Variants in SVIL observed in about 807,000 individuals in gnomAD.
The protein encoded by SVIL is supervillin.
A neutral mutation model predicts 240.4 loss-of-function variants in SVIL; 101 were observed. That is an observed-to-expected ratio of 0.42 (90% CI 0.36 to 0.50). The LOEUF is 0.50. Among genes scored for constraint, SVIL ranks in the 20% least tolerant of loss-of-function variants. The probability of loss-of-function intolerance (pLI) is 0.01; values close to 1 mark genes in which losing one functional copy is unlikely to be tolerated. For missense variants in SVIL, 2,512 were observed against 2,818.7 expected (o/e 0.89, Z 2.46); for synonymous variants, 999 against 1,100.0 (o/e 0.91, Z 1.82).
At position 29,689,510 on chromosome 10, in the gene SVIL, T is replaced by C. The variant is rs1374253367; in HGVS notation, c.-399-2859A>G. On this transcript the variant is annotated intron_variant, in intron 1 of 35. Coordinates refer to the SVIL transcript ENST00000375400. ...TATATTGGCCAGGCTGGTCTCGAACTCCTGACCTCGTGATCTGCCCATCTC... is the reference window on the plus strand; with the variant it reads ...TATATTGGCCAGGCTGGTCTCGAACCCCTGACCTCGTGATCTGCCCATCTC... Among the ~76,000 whole-genome samples the C allele has an allele frequency of 5.3e-5, 8 of 152,190 alleles. No homozygotes were observed. In the East Asian group the frequency reaches 1.5e-3, roughly 29 times the overall value.
In SVIL at chr10:29,523,954, G is replaced by A. The variant is rs1252691595; in HGVS notation, c.2660C>T (p.Ala887Val). ...TSVSTVASTVAPMYAGDLRTK... is the reference protein window; with the variant it reads ...TSVSTVASTVVPMYAGDLRTK... The stretch of plus-strand genomic sequence containing the variant: ...GCGAAGATCTCCGGCATACATTGGA[G>A]CAACCGTGGATGCTACGGTAGACAC... Residue 887 changes from alanine to valine, a missense_variant, in exon 15 of 38, where the codon GCT becomes GTT. Physicochemically the swap from Ala to Val is moderately conservative, Grantham distance 64. Around this residue, in one of 3 missense-constraint regions of SVIL, gnomAD observed 1,443 missense variants for 1,486.6 expected, o/e 0.97. Transcript: ENST00000355867. 3 of 1,614,186 alleles carry A rather than the reference G, an allele frequency of 1.9e-6. No homozygotes were observed. Among genetic ancestry groups the A allele is most frequent in the Admixed American group, 3.3e-5 (2 of 60,020 alleles).
In SVIL at chr10:29,480,519, C is replaced by A. The variant is rs1266701502; in HGVS notation, c.5377+18G>T. ...GCCAGCCTCTTTCAGCTGGAAAAAA[C>A]CACAAGCGCTCACTAACCTGCCGTG... On this transcript the variant is annotated intron_variant, in intron 29 of 37. Coordinates refer to ENST00000355867, the MANE Select transcript of SVIL (RefSeq NM_021738.3). The A allele has an allele frequency of 1.9e-6, 3 of 1,608,418 alleles. No homozygotes were observed. Among genetic ancestry groups the A allele is most frequent in the East Asian group, 2.2e-5 (1 of 44,800 alleles).
Position 29,493,177 on chromosome 10 carries a change from T to C in SVIL, c.4019+37A>G, listed in dbSNP as rs1407159417. 1.0e-5 allele frequency: 16 copies of C among 1,599,130 alleles called. No homozygotes were observed. The South Asian group carries it at 1.8e-4, about 18-fold the overall frequency. On this transcript the variant is annotated intron_variant, in intron 21 of 37. Transcript: ENST00000355867. ...GCCCTCTGCAGGCGAAGGAAGCCCT[T>C]CTCAGTGGAGGAAAGACGGAGACCC...
intron 1 of SVIL, among the ~76,000 whole-genome samples, chr10:29,603,064 AC>A (rs906031125): frequency 6.8e-6 from 1 of 147,622 alleles, no homozygotes; most frequent in Non-Finnish European, 1.5e-5. Flanking sequence ...AGGACTTCTT[AC>A]CATCCTGACG....
intron 3 of SVIL, chr10:29,657,728 A>G (rs1357494123): frequency 6.6e-6 from 1 of 152,238 alleles, no homozygotes; most frequent in Non-Finnish European, 1.5e-5. Flanking sequence ...ACACTGGGAC[A>G]CATGACCATC....
chr10:29,584,009 G>A (rs976277310), intron 1 of SVIL, among the ~76,000 whole-genome samples: 11 of 152,208 alleles, frequency 7.2e-5, no homozygotes, highest in African/African-American at 2.4e-4. Flanking sequence ...ACAAGCCACC[G>A]ATGATATAAA....
intron 1 of SVIL, among the ~76,000 whole-genome samples, chr10:29,604,199 CCT>C (rs1180611018): frequency 7.8e-6 from 1 of 128,576 alleles, no homozygotes; most frequent in Non-Finnish European, 1.7e-5. Context: ...TATTATTGTT[CCT>C]CTTTTTTTTT....
chr10:29,529,692 T>C lies in SVIL; in HGVS notation c.2246+13A>G, dbSNP rs759727706. The C allele has an allele frequency of 6.3e-7, 1 of 1,592,972 alleles. No individual in the cohort carries two copies. Among genetic ancestry groups the C allele is most frequent in the Non-Finnish European group, 8.5e-7 (1 of 1,173,462 alleles). ...CACTATAGACAAGGCTGAGAAGTCC[T>C]GTGGGCACTTACGTGGCTGCGATGA... On this transcript the variant is annotated intron_variant, in intron 12 of 37. Transcript: ENST00000355867.
intron 29 of SVIL, 125 bp downstream of exon 29, chr10:29,480,412 T>C: frequency 1.6e-6 from 2 of 1,234,344 alleles, no homozygotes; most frequent in African/African-American, 1.5e-5. Context: ...CAAAGGCGCA[T>C]GACTGCAGTG....
intron 1 of SVIL, among the ~76,000 whole-genome samples, chr10:29,712,811 A>G (rs901074045): frequency 1.3e-5 from 2 of 152,220 alleles, no homozygotes; most frequent in African/African-American, 4.8e-5. Flanking sequence ...TAGTCCCCTC[A>G]TCTTATAAAA....
chr10:29,638,799 T>C (rs1446975607), upstream of SVIL, among the ~76,000 whole-genome samples: 1 of 152,072 alleles, frequency 6.6e-6, no homozygotes, highest in Non-Finnish European at 1.5e-5. Context: ...GCACCTCTAA[T>C]ACCTAGGGCC....
At chr10:29,508,377 C>T in intron 17 of SVIL, 1 of 1,289,308 alleles carries the variant, frequency 7.8e-7, no homozygotes, top group Non-Finnish European at 1.0e-6. Context: ...TCATCCGCAA[C>T]TCCTCCTTCT....
At chr10:29,528,410 C>T in intron 12 of SVIL, among the ~76,000 whole-genome samples, 1 of 151,954 alleles carries the variant, frequency 6.6e-6, no homozygotes, top group East Asian at 1.9e-4. Flanking sequence ...TCTGTGTGTC[C>T]AAGGTAAGCA....
intron 1 of SVIL, among the ~76,000 whole-genome samples, chr10:29,626,808 A>C (rs1260818410): frequency 2.0e-5 from 3 of 152,134 alleles, no homozygotes; most frequent in Non-Finnish European, 4.4e-5. Context: ...GTGGATCACG[A>C]GGTCAGGAGA....
chr10:29,547,564 G>T (rs1355105447), intron 6 of SVIL, among the ~76,000 whole-genome samples: 1 of 152,194 alleles, frequency 6.6e-6, no homozygotes, highest in East Asian at 1.9e-4. Flanking sequence ...TTTATTACAG[G>T]CCTAAATATG....
intron 1 of SVIL, among the ~76,000 whole-genome samples, chr10:29,708,977 A>C (rs1963097554): frequency 6.6e-6 from 1 of 151,636 alleles, no homozygotes; most frequent in African/African-American, 2.4e-5. Context: ...ATGTTAGGGA[A>C]GTCTCCCAGA....
chr10:29,589,084 T>C (rs1414636709), intron 1 of SVIL, among the ~76,000 whole-genome samples: 1 of 152,186 alleles, frequency 6.6e-6, no homozygotes, highest in Non-Finnish European at 1.5e-5. Context: ...TCGGTGACTT[T>C]TCGGTTCACA....
intron 6 of SVIL, among the ~76,000 whole-genome samples, chr10:29,537,190 A>G (rs1473965992): frequency 6.6e-6 from 1 of 152,234 alleles, no homozygotes; most frequent in African/African-American, 2.4e-5. Flanking sequence ...TTTTAAAATT[A>G]TCACTGAATA....
chr10:29,544,534 C>T (rs543892471), intron 6 of SVIL, among the ~76,000 whole-genome samples: 2 of 152,076 alleles, frequency 1.3e-5, no homozygotes, highest in South Asian at 4.2e-4. Context: ...ACGGGTGGAT[C>T]GCTTAACACC....
Sources: allele counts gnomAD v4.1 joint callset (sites outside exome capture counted in the v4.1 genomes callset), GRCh38; gene constraint gnomAD v4.1.1; regional missense constraint gnomAD v4.1.1; transcripts MANE v1.5; gene names NCBI Gene and HGNC (gene_info 2026-07-23, HGNC 2026-07-21).